Variants in SCHIP1 observed in about 807,000 individuals in gnomAD.
SCHIP1 encodes schwannomin-interacting protein 1.
A neutral mutation model predicts 29.7 loss-of-function variants in SCHIP1; 8 were observed. That is an observed-to-expected ratio of 0.27 (90% confidence interval 0.16 to 0.49). SCHIP1 has a LOEUF of 0.49. Among genes scored for constraint, SCHIP1 ranks in the 20% least tolerant of loss-of-function variants. The pLI is 0.99. For missense variants in SCHIP1, 193 were observed against 294.6 expected (o/e 0.66, Z 2.52); for synonymous variants, 76 against 94.9 (o/e 0.80, Z 1.16).
the SCHIP1 span, among the ~76,000 whole-genome samples, chr3:159,282,359 GTC>G: frequency 6.6e-6 from 1 of 151,746 alleles, no homozygotes; most frequent in African/African-American, 2.4e-5. Flanking sequence ...TCTGTGAATT[GTC>G]TATTGTTTCA....
the SCHIP1 span, among the ~76,000 whole-genome samples, chr3:159,688,983 CTGTTT>C: frequency 1.3e-5 from 2 of 152,132 alleles, no homozygotes; most frequent in South Asian, 4.2e-4. Flanking sequence ...CAGTACTATG[CTGTTT>C]TGGTTACTGT....
the SCHIP1 span, among the ~76,000 whole-genome samples, chr3:159,465,012 C>G: frequency 1.3e-5 from 2 of 152,102 alleles, no homozygotes; most frequent in African/African-American, 2.4e-5. Flanking sequence ...GCCTTCCTTC[C>G]TGCATGAAAG....
intron 1 of SCHIP1, among the ~76,000 whole-genome samples, chr3:159,859,826 C>T (rs1455731687): frequency 2.0e-5 from 3 of 152,242 alleles, no homozygotes; most frequent in Non-Finnish European, 4.4e-5. Context: ...TCAACAGCAT[C>T]TGGGAACTTG....
the SCHIP1 span, among the ~76,000 whole-genome samples, chr3:159,794,190 T>C: frequency 6.6e-6 from 1 of 152,184 alleles, no homozygotes; most frequent in Non-Finnish European, 1.5e-5. Flanking sequence ...ATCCATACTT[T>C]TTCTCATTTG....
the SCHIP1 span, among the ~76,000 whole-genome samples, chr3:159,749,744 T>C: frequency 6.6e-6 from 1 of 152,218 alleles, no homozygotes; most frequent in African/African-American, 2.4e-5. Context: ...GGTTTTAATG[T>C]AGGTGTAATT....
chr3:159,428,015 C>T, the SCHIP1 span, among the ~76,000 whole-genome samples: 1 of 152,074 alleles, frequency 6.6e-6, no homozygotes, highest in African/African-American at 2.4e-5. Flanking sequence ...AAACTGGATC[C>T]CTTCCTTACA....
At chr3:159,827,888 A>G in the SCHIP1 span, among the ~76,000 whole-genome samples, 1,098 of 152,102 alleles carry the variant, frequency 7.2e-3, 12 homozygotes, top group African/African-American at 0.025. Context: ...AGTAAATTCA[A>G]TTTTCATAAT....
At chr3:159,483,390 T>A in the SCHIP1 span, among the ~76,000 whole-genome samples, 11 of 152,294 alleles carry the variant, frequency 7.2e-5, no homozygotes, top group African/African-American at 2.4e-4. Context: ...GTATAGATAC[T>A]AAACATTGGC....
chr3:159,842,726 C>T (rs1022169059), intron 1 of SCHIP1, among the ~76,000 whole-genome samples: 9 of 151,844 alleles, frequency 5.9e-5, no homozygotes, highest in African/African-American at 1.2e-4. Context: ...ACCCCCTCCC[C>T]GCCCCACTGT....
chr3:159,516,854 G>A, the SCHIP1 span, among the ~76,000 whole-genome samples: 1 of 152,090 alleles, frequency 6.6e-6, no homozygotes, highest in Non-Finnish European at 1.5e-5. Context: ...CCTGCCTTTA[G>A]TCTATCCAAA....
At chr3:159,393,427 T>C in the SCHIP1 span, among the ~76,000 whole-genome samples, 1 of 152,086 alleles carries the variant, frequency 6.6e-6, no homozygotes, top group Non-Finnish European at 1.5e-5. Flanking sequence ...GGTTTTCTTC[T>C]AGGGTTTTTA....
the SCHIP1 span, among the ~76,000 whole-genome samples, chr3:159,578,071 G>A: frequency 6.6e-6 from 1 of 152,140 alleles, no homozygotes; most frequent in Non-Finnish European, 1.5e-5. Flanking sequence ...GGTTTTGGGG[G>A]GGTGGAAGGG....
the SCHIP1 span, among the ~76,000 whole-genome samples, chr3:159,680,598 A>C: frequency 1.0e-5 from 1 of 99,198 alleles, no homozygotes; most frequent in Non-Finnish European, 1.8e-5. Context: ...ATATATGTAT[A>C]ATATATATTA....
At chr3:159,872,562 A>G (rs968189696) in intron 2 of SCHIP1, among the ~76,000 whole-genome samples, 4 of 152,216 alleles carry the variant, frequency 2.6e-5, no homozygotes, top group African/African-American at 7.2e-5. Context: ...ATAACAAGCT[A>G]CACTTGTTGA....
At chr3:159,659,606 T>C in the SCHIP1 span, among the ~76,000 whole-genome samples, 8 of 152,208 alleles carry the variant, frequency 5.3e-5, no homozygotes, top group African/African-American at 1.9e-4. Context: ...CAATCTTCAG[T>C]GCCACCTCAT....
chr3:159,428,693 TG>T, the SCHIP1 span, among the ~76,000 whole-genome samples: 1 of 151,574 alleles, frequency 6.6e-6, no homozygotes, highest in Non-Finnish European at 1.5e-5. Context: ...ATCCCATTAC[TG>T]GGTATATACC....
chr3:159,599,113 G>C, the SCHIP1 span, among the ~76,000 whole-genome samples: 1 of 152,056 alleles, frequency 6.6e-6, no homozygotes, highest in African/African-American at 2.4e-5. Flanking sequence ...TTATTGAAAA[G>C]ATGAGGGGTT....
chr3:159,843,617 G>A (rs553988251), intron 1 of SCHIP1, among the ~76,000 whole-genome samples: 15 of 151,864 alleles, frequency 9.9e-5, no homozygotes, highest in South Asian at 2.1e-4. Flanking sequence ...TCAGGAGATC[G>A]AGACCATCCT....
At chr3:159,511,669 A>G in the SCHIP1 span, among the ~76,000 whole-genome samples, 71 of 152,338 alleles carry the variant, frequency 4.7e-4, no homozygotes, top group African/African-American at 1.6e-3. Context: ...AGACAGATCA[A>G]CTGAACAAAA....
Sources: allele counts gnomAD v4.1 joint callset (sites outside exome capture counted in the v4.1 genomes callset), GRCh38; gene constraint gnomAD v4.1.1; transcripts MANE v1.5; gene names NCBI Gene and HGNC (gene_info 2026-07-23, HGNC 2026-07-21).